Variants in CREB5 observed in about 807,000 individuals in gnomAD.
The protein encoded by CREB5 is cyclic AMP-responsive element-binding protein 5.
Under a neutral mutation model 57.1 loss-of-function variants are expected in CREB5, and 19 were observed. That is an observed-to-expected ratio of 0.33 (90% confidence interval 0.23 to 0.49). The LOEUF (loss-of-function observed/expected upper bound fraction) is 0.49, where lower values mean the gene tolerates loss of function less well. CREB5 is among the 20% of genes least tolerant of loss of function. CREB5 has a pLI of 0.99. For missense variants in CREB5, 579 were observed against 671.6 expected (o/e 0.86, Z 1.52); for synonymous variants, 238 against 238.3 (o/e 1.00, Z 0.01).
chr7:28,304,014 AT>A (rs1293762952), intron 1 of CREB5, among the ~76,000 whole-genome samples: 1 of 152,206 alleles, frequency 6.6e-6, no homozygotes, highest in Non-Finnish European at 1.5e-5. Flanking sequence ...TGATTCCAAT[AT>A]TTCCATTTGG....
chr7:28,350,386 T>C (rs561696528), intron 1 of CREB5, among the ~76,000 whole-genome samples: 1 of 152,206 alleles, frequency 6.6e-6, no homozygotes, highest in South Asian at 2.1e-4. Context: ...TCCTTCACTT[T>C]CCTTGTGGGA....
In CREB5 at chr7:28,583,023, C is replaced by G. The variant is rs1324387735; in HGVS notation, c.464+12486C>G. 2.6e-5 allele frequency among the ~76,000 whole-genome samples: 4 copies of G among 152,012 alleles called. No homozygotes were observed. In the East Asian group the frequency reaches 7.7e-4, roughly 29 times the overall value. On this transcript the variant is annotated intron_variant, in intron 5 of 10. Transcript: ENST00000357727. ...GCACCTCGAATCCACTAACTTGGGC[C>G]CAACAGAGCCTGCCCAGGGGCTGCC...
chr7:28,679,944 A>G (rs1342664456), intron 5 of CREB5, among the ~76,000 whole-genome samples: 3 of 152,084 alleles, frequency 2.0e-5, no homozygotes, highest in Non-Finnish European at 4.4e-5. Flanking sequence ...CATCTCCCCA[A>G]AGAGCCAGGC....
At chr7:28,722,730 A>T (rs956449248) in intron 6 of CREB5, among the ~76,000 whole-genome samples, 85 of 152,296 alleles carry the variant, frequency 5.6e-4, no homozygotes, top group African/African-American at 2.0e-3. Context: ...ATTCACCTTT[A>T]TTAGCTCCTC....
At chr7:28,760,303 C>T (rs866023017) in intron 7 of CREB5, among the ~76,000 whole-genome samples, 6 of 152,188 alleles carry the variant, frequency 3.9e-5, no homozygotes, top group Non-Finnish European at 7.3e-5. Context: ...AATTGGGTAT[C>T]TACATGTGGC....
chr7:28,390,044 G>GTTT (rs35529627), intron 1 of CREB5, among the ~76,000 whole-genome samples: 6 of 143,036 alleles, frequency 4.2e-5, no homozygotes, highest in Non-Finnish European at 4.6e-5. Flanking sequence ...AAGTAGGAGG[G>GTTT]TTTTTTTTTT....
chr7:28,788,703 A>G (rs996661510), intron 7 of CREB5, among the ~76,000 whole-genome samples: 1 of 152,222 alleles, frequency 6.6e-6, no homozygotes, highest in Non-Finnish European at 1.5e-5. Context: ...GTCATTCTGC[A>G]TGATTCTTAT....
intron 5 of CREB5, among the ~76,000 whole-genome samples, chr7:28,597,303 C>T (rs1796722321): frequency 2.6e-5 from 4 of 152,188 alleles, no homozygotes; most frequent in Non-Finnish European, 5.9e-5. Flanking sequence ...GCCATCCTCT[C>T]AGGAGCGACA....
intron 7 of CREB5, among the ~76,000 whole-genome samples, chr7:28,768,231 G>C (rs1806114331): frequency 6.6e-6 from 1 of 152,144 alleles, no homozygotes; most frequent in Admixed American, 6.5e-5. Context: ...AGACAGGCTA[G>C]TGAAGAAAAA....
At chr7:28,313,929 A>C (rs1259029809) in intron 1 of CREB5, among the ~76,000 whole-genome samples, 1 of 152,198 alleles carries the variant, frequency 6.6e-6, no homozygotes, top group Non-Finnish European at 1.5e-5. Context: ...AAAATATATA[A>C]TTTTAATAGA....
At chr7:28,748,163 G>A (rs1012387659) in intron 7 of CREB5, among the ~76,000 whole-genome samples, 1 of 152,230 alleles carries the variant, frequency 6.6e-6, no homozygotes, top group Non-Finnish European at 1.5e-5. Flanking sequence ...AACAGGGACA[G>A]CATAGAGCTC....
chr7:28,507,585 C>A, intron 3 of CREB5, 31 bp from the exon 4 acceptor site: 2 of 1,572,530 alleles, frequency 1.3e-6, no homozygotes, highest in Non-Finnish European at 1.7e-6. Flanking sequence ...GAAAAAAGAC[C>A]CATTTATGAG....
chr7:28,809,531 G>A, intron 9 of CREB5, 117 bp downstream of exon 9: 2 of 895,808 alleles, frequency 2.2e-6, no homozygotes, highest in South Asian at 1.8e-5. Flanking sequence ...GTCCACAGAG[G>A]AGCCGCAGCC....
intron 1 of CREB5, among the ~76,000 whole-genome samples, chr7:28,474,693 A>G (rs1279780057): frequency 1.3e-5 from 2 of 152,208 alleles, no homozygotes; most frequent in African/African-American, 2.4e-5. Flanking sequence ...AAATAATGCT[A>G]TCACTTCGAG....
chr7:28,583,671 CATTTTT>C (rs985705179), intron 5 of CREB5, among the ~76,000 whole-genome samples: 2 of 152,198 alleles, frequency 1.3e-5, no homozygotes, highest in South Asian at 2.1e-4. Flanking sequence ...CCTCCACCTT[CATTTTT>C]ATTTTTATTT....
intron 1 of CREB5, among the ~76,000 whole-genome samples, chr7:28,359,445 A>G (rs1447006093): frequency 6.6e-6 from 1 of 152,196 alleles, no homozygotes; most frequent in Non-Finnish European, 1.5e-5. Flanking sequence ...TTTTTGACAA[A>G]GATACCAAGA....
chr7:28,374,365 T>G (rs918891984), intron 1 of CREB5, among the ~76,000 whole-genome samples: 1 of 152,210 alleles, frequency 6.6e-6, no homozygotes, highest in Non-Finnish European at 1.5e-5. Flanking sequence ...CCAAACATAT[T>G]TCCACACAAA....
rs56957554 is a variant in CREB5, at chr7:28,551,996, T to C, written c.292-18369T>C. Among the ~76,000 whole-genome samples the C allele has an allele frequency of 2.0e-4, 5 of 25,250 alleles. No individual in the cohort carries two copies. The South Asian group carries it at 0.018, about 90-fold the overall frequency. 16.6% of individuals were successfully genotyped at this position (25,250 alleles called of 152,430 possible). On this transcript the variant is annotated intron_variant, in intron 4 of 10. Coordinates refer to ENST00000357727, the MANE Select transcript of CREB5 (RefSeq NM_182898.4). ...CTCTTTCTCTCTCTCTTTCTCTCTT[T>C]TCTCTCTCTCTCTCTTTTCTCTCTC...
At chr7:28,712,361 A>G (rs1583594800) in intron 5 of CREB5, among the ~76,000 whole-genome samples, 1 of 151,522 alleles carries the variant, frequency 6.6e-6, no homozygotes, top group Non-Finnish European at 1.5e-5. Context: ...TAGAAAAATT[A>G]CCCCGGCATA....
Sources: allele counts gnomAD v4.1 joint callset (sites outside exome capture counted in the v4.1 genomes callset), GRCh38; gene constraint gnomAD v4.1.1; transcripts MANE v1.5; gene names NCBI Gene and HGNC (gene_info 2026-07-23, HGNC 2026-07-21).